The following CEP126 variants were observed in gnomAD, a reference collection of about 807,000 sequenced individuals.
The protein encoded by CEP126 is centrosomal protein of 126 kDa.
In CEP126, 74 loss-of-function variants were observed where a neutral mutation model predicts 107.8. The ratio of observed to expected loss-of-function variants is 0.69; its 90% CI spans 0.57 to 0.83. The LOEUF (loss-of-function observed/expected upper bound fraction) is 0.83, where lower values mean the gene tolerates loss of function less well. CEP126 is among the 40% of genes least tolerant of loss of function. The pLI is 0.00. For missense variants in CEP126, 1,237 were observed against 1,281.9 expected, an observed-to-expected ratio of 0.96 and a Z score of 0.53; for synonymous variants, 449 against 446.0, an observed-to-expected ratio of 1.01 and a Z score of -0.08.
intron 1 of CEP126, among the ~76,000 whole-genome samples, chr11:101,921,985 G>C (rs866256103): frequency 1.3e-5 from 2 of 150,830 alleles, no homozygotes; most frequent in Admixed American, 6.6e-5. Flanking sequence ...AGGTTTCACC[G>C]TGTTGGCCAG....
At chr11:101,997,440 GTAAA>G (rs1390418086) in intron 10 of CEP126, among the ~76,000 whole-genome samples, 155 bp from the exon 11 acceptor site, 2 of 152,186 alleles carry the variant, frequency 1.3e-5, no homozygotes, top group South Asian at 4.1e-4. Context: ...AAGGGTTGAG[GTAAA>G]TAATCTATAA....
At chr11:101,929,219 A>G (rs1392556477) in intron 2 of CEP126, among the ~76,000 whole-genome samples, 2 of 152,138 alleles carry the variant, frequency 1.3e-5, no homozygotes, top group African/African-American at 2.4e-5. Context: ...TGATGGTGGC[A>G]TATGTTGATT....
rs1226141308 is a variant in CEP126 at position 101,978,340 on chromosome 11, G to T, written c.2846-7G>T. 25 of 1,592,044 alleles carry T rather than the reference G, an allele frequency of 1.6e-5. No homozygotes were observed. The highest frequency in any genetic ancestry group is 2.2e-5 in the Non-Finnish European group (25 of 1,161,848). ...AATTTTTAACATTGTGCTGGCATTT[G>T]TTTAAGGGTCTACTGTTATGAGAAG... is the stretch of plus-strand genomic sequence containing the variant. On this transcript the variant is annotated splice_polypyrimidine_tract_variant and splice_region_variant and intron_variant, in intron 6 of 10. Transcript: ENST00000263468.
chr11:101,963,719 C>T lies in CEP126; in HGVS notation c.2684C>T (p.Thr895Ile), dbSNP rs1355447754. Residue 895 changes from threonine to isoleucine, a missense_variant, in exon 6 of 11, where the codon ACT (threonine) becomes ATT (isoleucine). Around this residue, in one of 3 missense-constraint regions of CEP126, gnomAD observed 1,134 missense variants for 1,150.5 expected, o/e 0.99. Transcript: ENST00000263468. ...GCAAAAATAAATCATTCAAATGGCA[C>T]TCAAGCAGTTGCCCGGCAAGATGCG... ...TFAKINHSNG[T>I]QAVARQDATL... is the part of the protein sequence containing the mutation. The T allele has an allele frequency of 6.2e-7, 1 of 1,613,940 alleles. No homozygotes were observed. The highest frequency in any genetic ancestry group is 8.5e-7 in the Non-Finnish European group (1 of 1,180,014).
At chr11:101,990,813 TG>T (rs1412123731) in intron 9 of CEP126, among the ~76,000 whole-genome samples, 2 of 146,720 alleles carry the variant, frequency 1.4e-5, no homozygotes, top group South Asian at 2.2e-4. Flanking sequence ...TTTCAGGGGG[TG>T]GGGGGACTCT....
chr11:101,987,110 T>C (rs1178547518), intron 9 of CEP126, 69 bp downstream of exon 9: 1 of 1,137,008 alleles, frequency 8.8e-7, no homozygotes, highest in Non-Finnish European at 1.3e-6. Context: ...ATTTAAACTT[T>C]AATTTAAAAA....
At chr11:101,953,720 T>C (rs1940844152) in intron 4 of CEP126, among the ~76,000 whole-genome samples, 1 of 152,000 alleles carries the variant, frequency 6.6e-6, no homozygotes, top group African/African-American at 2.4e-5. Flanking sequence ...TACATTGAAG[T>C]GATAGAGGTG....
intron 8 of CEP126, among the ~76,000 whole-genome samples, chr11:101,983,036 T>C (rs1008591842): frequency 6.6e-6 from 1 of 152,206 alleles, no homozygotes; most frequent in East Asian, 1.9e-4. Flanking sequence ...AAATGATACA[T>C]GTACCAATGG....
chr11:101,958,659 T>C (rs1940932526), intron 5 of CEP126, among the ~76,000 whole-genome samples: 1 of 152,202 alleles, frequency 6.6e-6, no homozygotes, highest in Non-Finnish European at 1.5e-5. Context: ...TATGGCAGAA[T>C]TTGCTAGAAA....
At chr11:101,930,291 A>G (rs1940476221) in intron 2 of CEP126, among the ~76,000 whole-genome samples, 1 of 152,172 alleles carries the variant, frequency 6.6e-6, no homozygotes, top group African/African-American at 2.4e-5. Context: ...TAATCTACAC[A>G]CATCCTCTCA....
chr11:101,956,168 T>C (rs1940885344), intron 4 of CEP126: 2 of 456,498 alleles, frequency 4.4e-6, no homozygotes, highest in South Asian at 1.5e-5. Context: ...GCACAAGTTA[T>C]TTTACAAAAC....
At position 101,998,769 on chromosome 11, in the gene CEP126, T is replaced by G. The variant is rs1468279260; in HGVS notation, c.*1126T>G. The G allele has an allele frequency of 3.3e-5, 5 of 152,190 alleles. 1 individual carries two copies. In the East Asian group the frequency reaches 9.7e-4, roughly 29 times the overall value. The allele number at this position is 152,190 out of a possible 1,614,324, so 9.4% of individuals were successfully genotyped here. On this transcript the variant is annotated 3_prime_UTR_variant, in exon 11 of 11. Transcript: ENST00000263468. Reference sequence around the variant, plus strand: ...TGAATGCCTACCATGTACCAAATTTTGTGCATATATTTTTTATTTAATCTG... The same window carrying G: ...TGAATGCCTACCATGTACCAAATTTGGTGCATATATTTTTTATTTAATCTG...
chr11:101,976,912 CA>C (rs1404526367), intron 6 of CEP126, among the ~76,000 whole-genome samples: 2 of 152,052 alleles, frequency 1.3e-5, no homozygotes, highest in Admixed American at 6.6e-5. Context: ...TATAATAATT[CA>C]TTTATATTCA....
chr11:101,974,623 A>G (rs1941172482), intron 6 of CEP126, among the ~76,000 whole-genome samples: 1 of 152,192 alleles, frequency 6.6e-6, no homozygotes, highest in Non-Finnish European at 1.5e-5. Flanking sequence ...TTTTTTAAAT[A>G]TAATGCTTTA....
chr11:101,924,085 A>G (rs2137079896), intron 2 of CEP126, among the ~76,000 whole-genome samples: 1 of 152,302 alleles, frequency 6.6e-6, no homozygotes, highest in Admixed American at 6.5e-5. Context: ...TTCTCTCATC[A>G]AATGTAAGAA....
At chr11:101,987,657 T>A (rs1043249035) in intron 9 of CEP126, among the ~76,000 whole-genome samples, 1 of 99,882 alleles carries the variant, frequency 1.0e-5, no homozygotes, top group Non-Finnish European at 1.8e-5. Context: ...GGAGAGGGAA[T>A]TTTTTTCTAA....
intron 2 of CEP126, among the ~76,000 whole-genome samples, chr11:101,928,482 A>G (rs1357250658): frequency 6.6e-6 from 1 of 152,160 alleles, no homozygotes; most frequent in Non-Finnish European, 1.5e-5. Flanking sequence ...TATCCTCAAA[A>G]TATTATAGTT....
chr11:101,920,051 A>C (rs868749940), intron 1 of CEP126, among the ~76,000 whole-genome samples: 2 of 152,234 alleles, frequency 1.3e-5, no homozygotes, highest in African/African-American at 4.8e-5. Context: ...AATCCTTTAA[A>C]AGAAATCTTT....
intron 1 of CEP126, among the ~76,000 whole-genome samples, chr11:101,917,025 A>G (rs917421066): frequency 1.7e-5 from 2 of 120,324 alleles, no homozygotes; most frequent in Non-Finnish European, 3.4e-5. Flanking sequence ...ATAAAATCCA[A>G]CAATGTGTGT....
Sources: allele counts gnomAD v4.1 joint callset (sites outside exome capture counted in the v4.1 genomes callset), GRCh38; gene constraint gnomAD v4.1.1; regional missense constraint gnomAD v4.1.1; transcripts MANE v1.5; gene names NCBI Gene and HGNC (gene_info 2026-07-23, HGNC 2026-07-21).